The following ZNF280C variants were observed in gnomAD, a reference collection of about 807,000 sequenced individuals.
ZNF280C encodes suppressor of hairy wing homolog 3.
In ZNF280C, 14 loss-of-function variants were observed where a neutral mutation model predicts 53.6. That is an observed-to-expected ratio of 0.26 (90% CI 0.17 to 0.41). The LOEUF (loss-of-function observed/expected upper bound fraction) is 0.41. Ranked by LOEUF, ZNF280C falls within the 10% of genes least tolerant of loss-of-function variation. ZNF280C has a pLI of 1.00. For synonymous variants in ZNF280C, 203 were observed against 181.1 expected (o/e 1.12, Z -0.97); for missense variants, 416 against 547.1 (o/e 0.76, Z 2.39).
At chrX:130,231,801 C>T (rs1298886569) in intron 8 of ZNF280C, among the ~76,000 whole-genome samples, 3 of 110,493 alleles carry the variant, frequency 2.7e-5, no homozygotes, top group Non-Finnish European at 3.8e-5. Flanking sequence ...CTGAGGCAGG[C>T]GGATCACGAG....
chrX:130,217,761 T>C (rs992725276), intron 13 of ZNF280C, among the ~76,000 whole-genome samples: 2 of 113,004 alleles, frequency 1.8e-5, no homozygotes, highest in South Asian at 7.2e-4. Context: ...CTTACTGTTG[T>C]AATATTAGTT....
At chrX:130,248,216 T>G (rs1290274520) in intron 2 of ZNF280C, among the ~76,000 whole-genome samples, 1 of 101,956 alleles carries the variant, frequency 9.8e-6, no homozygotes, top group Non-Finnish European at 2.0e-5. Context: ...CTGAGTGGGC[T>G]GAGGGAAGAC....
chrX:130,253,672 A>G (rs891697592), intron 2 of ZNF280C, among the ~76,000 whole-genome samples: 1 of 112,243 alleles, frequency 8.9e-6, no homozygotes, highest in Non-Finnish European at 1.9e-5. Flanking sequence ...AGGACTCCCT[A>G]TTCAATAAAT....
Position 130,243,824 on chromosome X carries a change from T to C in ZNF280C, c.220A>G (p.Ile74Val), listed in dbSNP as rs1422042703. 3 of 1,186,336 alleles carry C rather than the reference T, an allele frequency of 2.5e-6. No individual in the cohort carries two copies. Among genetic ancestry groups the C allele is most frequent in the Admixed American group, 2.2e-5 (1 of 44,498 alleles). Residue 74 changes from isoleucine (I) to valine (V), a missense_variant, in exon 4 of 19, where the codon ATA (isoleucine) becomes GTA (valine). Ile to Val is a conservative substitution (Grantham distance 29, BLOSUM62 3). Coordinates refer to ENST00000370978, the MANE Select transcript of ZNF280C (RefSeq NM_017666.5). The stretch of plus-strand genomic sequence containing the variant: ...CCTGGACTGTGTGGCTCACTCTTTA[T>C]TCCTTTTGAAGATGAGCTGGAGTGG... Reference protein sequence around the residue: ...RGHSSSSSKGIKSEPHSPGIP... With the variant: ...RGHSSSSSKGVKSEPHSPGIP...
At chrX:130,238,940 T>C (rs1471599787) in intron 6 of ZNF280C, among the ~76,000 whole-genome samples, 1 of 111,527 alleles carries the variant, frequency 9.0e-6, no homozygotes, top group Non-Finnish European at 1.9e-5. Flanking sequence ...TAGGGAATTT[T>C]TCAATGAGAC....
At chrX:130,254,488 C>A (rs2124714426) in intron 2 of ZNF280C, among the ~76,000 whole-genome samples, 1 of 111,799 alleles carries the variant, frequency 8.9e-6, no homozygotes, top group South Asian at 3.8e-4. Flanking sequence ...TTCACAGGAG[C>A]AAAGACATGG....
chrX:130,222,326 A>ACACACG (rs2032175747), intron 12 of ZNF280C, among the ~76,000 whole-genome samples: 1 of 103,793 alleles, frequency 9.6e-6, no homozygotes, highest in African/African-American at 3.6e-5. Flanking sequence ...ACACACACAC[A>ACACACG]CACACCCTTC....
rs189768583 is a variant in ZNF280C at position 130,235,937 on chromosome X, C to T, written c.771+277G>A. On this transcript the variant is annotated intron_variant, in intron 8 of 18. Coordinates refer to ENST00000370978, the MANE Select transcript of ZNF280C (RefSeq NM_017666.5). Reference sequence around the variant, plus strand: ...TTTAGCTCTCACATATGAGTGACAACGTCCATTTGTCTTTCTATGCTTGGC... The same window carrying T: ...TTTAGCTCTCACATATGAGTGACAATGTCCATTTGTCTTTCTATGCTTGGC... Among the ~76,000 whole-genome samples, 14 of 112,051 alleles carry T rather than the reference C, an allele frequency of 1.2e-4. No homozygotes were observed. In the East Asian group the frequency reaches 3.6e-3, roughly 29 times the overall value.
Position 130,205,392 on chromosome X carries a change from T to C in ZNF280C, c.2066A>G (p.Lys689Arg), listed in dbSNP as rs1362245811. 1.8e-5 allele frequency: 22 copies of C among 1,200,224 alleles called. No homozygotes were observed. Among genetic ancestry groups the C allele is most frequent in the Non-Finnish European group, 2.4e-5 (21 of 887,473 alleles). Residue 689 changes from lysine (K) to arginine (R), a missense_variant, in exon 17 of 19, where the codon AAA (lysine) becomes AGA (arginine). By Grantham distance (26) the Lys-to-Arg change is conservative (BLOSUM62 2). Coordinates refer to ENST00000370978, the MANE Select transcript of ZNF280C (RefSeq NM_017666.5). ...GGAAGAATCAGCTAGGAAATCACATTTAAGGCACACTAGAGTAATGCCCCT... is the reference window on the plus strand; with the variant it reads ...GGAAGAATCAGCTAGGAAATCACATCTAAGGCACACTAGAGTAATGCCCCT... ...TLRGITLVCL[K>R]CDFLADSSGL...
intron 15 of ZNF280C, 73 bp downstream of exon 15, chrX:130,215,120 A>G: frequency 8.9e-7 from 1 of 1,122,940 alleles, no homozygotes; most frequent in Non-Finnish European, 1.2e-6. Context: ...TGCTTTCAAT[A>G]GGATAACTCT....
In ZNF280C at chrX:130,247,009, A is replaced by AT. The variant is rs1556311843; in HGVS notation, c.32-5dup. On this transcript the variant is annotated splice_region_variant and splice_polypyrimidine_tract_variant and intron_variant, in intron 2 of 18. Coordinates refer to ENST00000370978, the MANE Select transcript of ZNF280C (RefSeq NM_017666.5). ...AGTTCTGCCATTTTTGAAATGTCTA[A>AT]TTTTCAAGAGAAGAGAAGCTAACTT... is the stretch of plus-strand genomic sequence containing the variant. 1.7e-6 allele frequency: 2 copies of AT among 1,196,972 alleles called. No individual in the cohort carries two copies. Among genetic ancestry groups the AT allele is most frequent in the South Asian group, 1.9e-5 (1 of 53,993 alleles).
At chrX:130,268,078 T>C (rs1376893790) in intron 1 of ZNF280C, among the ~76,000 whole-genome samples, 2 of 111,974 alleles carry the variant, frequency 1.8e-5, no homozygotes, top group Non-Finnish European at 3.8e-5. Context: ...CATAATTTTT[T>C]CCATCTCTTT....
In ZNF280C at chrX:130,231,490, A is replaced by G. The variant is rs140204174; in HGVS notation, c.772-763T>C. Among the ~76,000 whole-genome samples, 971 of 112,113 alleles carry G rather than the reference A, an allele frequency of 8.7e-3. 19 individuals carry two copies. The highest frequency in any genetic ancestry group is 0.071 in the Admixed American group (751 of 10,540). On this transcript the variant is annotated intron_variant, in intron 8 of 18. Coordinates refer to ENST00000370978, the MANE Select transcript of ZNF280C (RefSeq NM_017666.5). ...AACTAAATATCTTATGTTCTCACTT[A>G]TAAGTGGAAGCTTGTAAGTGGAAGC...
At chrX:130,219,274 C>T (rs182613286) in intron 13 of ZNF280C, among the ~76,000 whole-genome samples, 6 of 110,217 alleles carry the variant, frequency 5.4e-5, no homozygotes, top group Non-Finnish European at 9.5e-5. Context: ...TCACTTGAGG[C>T]CAGGAGTTTG....
intron 2 of ZNF280C, among the ~76,000 whole-genome samples, chrX:130,252,886 A>G (rs1215585752): frequency 8.9e-6 from 1 of 111,873 alleles, no homozygotes; most frequent in African/African-American, 3.3e-5. Flanking sequence ...CACCGTTCCT[A>G]TTCAACACAG....
chrX:130,214,378 T>C (rs760489580), intron 15 of ZNF280C, among the ~76,000 whole-genome samples: 15 of 111,532 alleles, frequency 1.3e-4, no homozygotes, highest in Non-Finnish European at 3.8e-5. Flanking sequence ...TTATGTTTCA[T>C]TGAATGAATG....
rs746419623 is a variant in ZNF280C at position 130,213,067 on chromosome X, T to A, written c.1979+2126A>T. ...TGTTGTAGATAAAAACAAAGTGGTATTTTTGGCCGGGCGTGGTGGCTCACG... is the reference window on the plus strand; with the variant it reads ...TGTTGTAGATAAAAACAAAGTGGTAATTTTGGCCGGGCGTGGTGGCTCACG... On this transcript the variant is annotated intron_variant, in intron 15 of 18. Transcript: ENST00000370978. 1.1e-3 allele frequency among the ~76,000 whole-genome samples: 126 copies of A among 111,991 alleles called. 5 individuals are homozygous for A. Among genetic ancestry groups the A allele is most frequent in the Non-Finnish European group, 2.4e-4 (13 of 53,131 alleles).
chrX:130,220,283 A>T (rs2032150280), intron 13 of ZNF280C, 66 bp downstream of exon 13: 4 of 930,360 alleles, frequency 4.3e-6, no homozygotes, highest in East Asian at 3.6e-5. Flanking sequence ...TCCATAATAA[A>T]AAAAAAAACA....
At chrX:130,254,460 A>T (rs2032544627) in intron 2 of ZNF280C, among the ~76,000 whole-genome samples, 2 of 112,063 alleles carry the variant, frequency 1.8e-5, no homozygotes, top group South Asian at 7.5e-4. Context: ...ATGTATACAT[A>T]TGTTCACTGC....
Sources: gnomAD v4.1 joint callset for allele counts (sites outside exome capture counted in the v4.1 genomes callset) on GRCh38, gnomAD v4.1.1 for gene constraint, MANE v1.5 for transcripts, NCBI Gene and HGNC (gene_info 2026-07-23, HGNC 2026-07-21) for gene names.